The following TLR5 variants were observed in gnomAD, a reference collection of about 807,000 sequenced individuals.
The protein encoded by TLR5 is toll-like receptor 5.
For synonymous variants in TLR5, 373 were observed against 384.4 expected, an observed-to-expected ratio of 0.97 and a Z score of 0.35; for missense variants, 944 against 999.8, an observed-to-expected ratio of 0.94 and a Z score of 0.75.
In TLR5 at chr1:223,131,079, T is replaced by G. The variant is rs1341828811; in HGVS notation, c.-5+1396A>C. Among the ~76,000 whole-genome samples, 1 of 152,070 alleles carries G rather than the reference T, an allele frequency of 6.6e-6. No individual in the cohort carries two copies. Among genetic ancestry groups the G allele is most frequent in the Non-Finnish European group, 1.5e-5 (1 of 67,988 alleles). ...GATATGGGAGACACCACCTTGCTAG[T>G]CTCCCATAGTAAGCCTGACCCTGAC... On this transcript the variant is annotated intron_variant, in intron 5 of 5. Transcript: ENST00000642603. The surrounding 1 kb of genome is among the most constrained non-coding windows in gnomAD (Gnocchi z 4.2).
intron 1 of TLR5, among the ~76,000 whole-genome samples, chr1:223,141,997 C>T (rs1425589767): frequency 6.6e-6 from 1 of 152,060 alleles, no homozygotes; most frequent in East Asian, 1.9e-4. Flanking sequence ...TCTCCCAGGG[C>T]CCTGCTCCAG....
At chr1:223,133,923 T>C (rs1240860809) in intron 4 of TLR5, among the ~76,000 whole-genome samples, 2 of 152,190 alleles carry the variant, frequency 1.3e-5, no homozygotes, top group Non-Finnish European at 2.9e-5. Context: ...CGCGGGGAGC[T>C]GCAAGCGTCC....
At chr1:223,130,470 GA>G (rs1657355935) in intron 5 of TLR5, among the ~76,000 whole-genome samples, 1 of 152,292 alleles carries the variant, frequency 6.6e-6, no homozygotes, top group South Asian at 2.1e-4. Flanking sequence ...TGGCCCTGCA[GA>G]AAAGGCTGCC....
intron 1 of TLR5, among the ~76,000 whole-genome samples, chr1:223,142,352 T>C (rs139134649): frequency 6.6e-6 from 1 of 152,354 alleles, no homozygotes; most frequent in African/African-American, 2.4e-5. Flanking sequence ...AGGGTTACTC[T>C]GCTTGTTTGC....
intron 5 of TLR5, among the ~76,000 whole-genome samples, chr1:223,122,455 GT>G (rs1315954012): frequency 6.6e-6 from 1 of 152,200 alleles, no homozygotes; most frequent in Admixed American, 6.5e-5. Context: ...GGGGTGAAGA[GT>G]CTGAAGATGT....
At chr1:223,133,905 G>C (rs969129668) in intron 4 of TLR5, among the ~76,000 whole-genome samples, 3 of 152,234 alleles carry the variant, frequency 2.0e-5, no homozygotes, top group South Asian at 4.1e-4. Context: ...CCGGAGAGTC[G>C]AGCGGGGCGC....
rs1656270829 is a variant in TLR5, at chr1:223,110,661, C to A, written c.2371G>T (p.Val791Leu). The A allele has an allele frequency of 6.2e-7, 1 of 1,614,052 alleles. No homozygotes were observed. The highest frequency in any genetic ancestry group is 8.5e-7 in the Non-Finnish European group (1 of 1,180,044). The change falls in exon 6 of 6, where the codon GTG becomes TTG. Residue 791 changes from valine to leucine, a missense_variant. Val to Leu is a conservative substitution (Grantham distance 32, BLOSUM62 1). Coordinates refer to ENST00000642603, the MANE Select transcript of TLR5 (RefSeq NM_003268.6). ...SDLNSALIMV[V>L]VGSLSQYQLM... ...TGGTACTGGGACAAGGACCCAACCACCACCATGATGAGAGCACTGTTAAGG... is the reference window on the plus strand; with the variant it reads ...TGGTACTGGGACAAGGACCCAACCAACACCATGATGAGAGCACTGTTAAGG...
rs112731351 is a variant in TLR5 at position 223,117,281 on chromosome 1, G to C, written c.-4-4246C>G. ...GCCCACCCAGAATTCGCGCTGGCCC[G>C]TGAGCACCCCAGCCCTGGTTCCTGC... is the stretch of plus-strand genomic sequence containing the variant. On this transcript the variant is annotated intron_variant, in intron 5 of 5. Coordinates refer to ENST00000642603, the MANE Select transcript of TLR5 (RefSeq NM_003268.6). 7.2e-3 allele frequency among the ~76,000 whole-genome samples: 1,101 copies of C among 152,024 alleles called. 17 individuals carry two copies. Among genetic ancestry groups the C allele is most frequent in the African/African-American group, 0.024 (1,007 of 41,490 alleles).
chr1:223,133,640 T>C (rs1297371986), intron 4 of TLR5, among the ~76,000 whole-genome samples: 4 of 152,216 alleles, frequency 2.6e-5, no homozygotes, highest in African/African-American at 9.7e-5. Context: ...GAAGGGGCTA[T>C]ACTAATACAT....
intron 5 of TLR5, among the ~76,000 whole-genome samples, chr1:223,114,889 C>T (rs931107590): frequency 2.0e-5 from 3 of 152,166 alleles, no homozygotes; most frequent in Non-Finnish European, 4.4e-5. Context: ...CCCCCAATAT[C>T]CAATCCCTCA....
intron 5 of TLR5, among the ~76,000 whole-genome samples, chr1:223,119,997 T>TAAAA (rs1267850373): frequency 1.0e-5 from 1 of 99,916 alleles, no homozygotes; most frequent in African/African-American, 4.2e-5. Context: ...TAAAATAAAA[T>TAAAA]AAAATAAAAT....
At chr1:223,127,064 C>T (rs1215524808) in intron 5 of TLR5, 1 of 152,250 alleles carries the variant, frequency 6.6e-6, no homozygotes, top group East Asian at 1.9e-4. Context: ...ACACAGCTTG[C>T]ATTTCAGGGG....
chr1:223,137,074 C>CCCAGGTGCTGGAATCA (rs1362340462), intron 3 of TLR5, 104 bp downstream of exon 3: 4 of 152,284 alleles, frequency 2.6e-5, no homozygotes, highest in African/African-American at 9.6e-5. Flanking sequence ...GTGCCCGCCT[C>CCCAGGTGCTGGAATCA]AGCATCCCAA....
chr1:223,132,992 T>C (rs751421789), intron 4 of TLR5, among the ~76,000 whole-genome samples: 3 of 152,300 alleles, frequency 2.0e-5, no homozygotes, highest in Non-Finnish European at 4.4e-5. Context: ...ACTGTCCCTA[T>C]TGTCCAGTGA....
At chr1:223,113,318 A>G (rs1007774814) in intron 5 of TLR5, among the ~76,000 whole-genome samples, 7 of 151,958 alleles carry the variant, frequency 4.6e-5, no homozygotes, top group African/African-American at 1.7e-4. Context: ...CCATCCTTCC[A>G]TCTCAGCCTC....
Position 223,111,148 on chromosome 1 carries a change from A to G in TLR5, c.1884T>C (p.Gly628=), listed in dbSNP as rs1656308875. ...ACTTTAAGACTTCCTCTTCATCACA[A>G]CCTTCCGTGGAAAGAGAGAAGAGGG... is the stretch of plus-strand genomic sequence containing the variant. The part of the protein sequence containing the change: ...GVSLFSLSTE[G]CDEEEVLKSL... The change falls in exon 6 of 6, where the codon GGT becomes GGC. Residue 628 remains glycine (G), a synonymous_variant. Transcript: ENST00000642603. The G allele has an allele frequency of 1.2e-6, 2 of 1,614,166 alleles. No individual in the cohort carries two copies. The highest frequency in any genetic ancestry group is 1.6e-4 in the Middle Eastern group (1 of 6,062).
chr1:223,124,182 G>A (rs1657066358), intron 5 of TLR5, among the ~76,000 whole-genome samples: 1 of 152,154 alleles, frequency 6.6e-6, no homozygotes, highest in Non-Finnish European at 1.5e-5. Context: ...TGTGGCTCAC[G>A]CCTGTAATCC....
At position 223,111,519 on chromosome 1, in the gene TLR5, GAAGAT is replaced by G; in HGVS notation, c.1508_1512del (p.His503ProfsTer8). The G allele has an allele frequency of 6.2e-7, 1 of 1,614,172 alleles. No individual in the cohort carries two copies. Among genetic ancestry groups the G allele is most frequent in the Non-Finnish European group, 8.5e-7 (1 of 1,180,040 alleles). On this transcript the variant is annotated frameshift_variant, in exon 6 of 6. Transcript: ENST00000642603. LOFTEE classifies it low-confidence loss of function (END_TRUNC). ...TAGTTATGATTCAAATACAGAACTT[GAAGAT>G]GAGAAAGTCCCTCAAAAACATCCCA...
At chr1:223,114,244 G>A (rs1189764148) in intron 5 of TLR5, among the ~76,000 whole-genome samples, 4 of 152,180 alleles carry the variant, frequency 2.6e-5, no homozygotes, top group Admixed American at 6.5e-5. Flanking sequence ...CTCAATGAAC[G>A]TGTCTGGCTT....
Sources: allele counts gnomAD v4.1 joint callset (sites outside exome capture counted in the v4.1 genomes callset), GRCh38; gene constraint gnomAD v4.1.1; non-coding constraint Gnocchi (gnomAD v3.1); transcripts MANE v1.5; gene names NCBI Gene and HGNC (gene_info 2026-07-23, HGNC 2026-07-21).